Variants in ADGRV1 observed in about 807,000 individuals in gnomAD.
The protein encoded by ADGRV1 is adhesion G protein-coupled receptor V1.
ADGRV1 carries 359 observed loss-of-function variants against 596.2 expected under a neutral mutation model. That is an observed-to-expected ratio of 0.60 (90% CI 0.55 to 0.66). ADGRV1 has a LOEUF of 0.66. ADGRV1 is among the 30% of genes least tolerant of loss of function. ADGRV1 has a pLI of 0.00. For synonymous variants in ADGRV1, 2,681 were observed against 2,679.2 expected (o/e 1.00, Z -0.02); for missense variants, 7,274 against 7,575.6 (o/e 0.96, Z 1.48).
chr5:90,733,561 T>C (rs533266575), intron 50 of ADGRV1, among the ~76,000 whole-genome samples: 1 of 152,350 alleles, frequency 6.6e-6, no homozygotes, highest in Non-Finnish European at 1.5e-5. Context: ...CTGCTTTCTT[T>C]ATCAAGCATT....
At chr5:90,808,895 G>A (rs1045353970) in intron 73 of ADGRV1, among the ~76,000 whole-genome samples, 2 of 151,888 alleles carry the variant, frequency 1.3e-5, no homozygotes, top group South Asian at 2.1e-4. Flanking sequence ...GTGAGACTCC[G>A]TATCAAAAAC....
intron 18 of ADGRV1, 22 bp downstream of exon 18, chr5:90,651,752 A>G: frequency 6.7e-7 from 1 of 1,500,296 alleles, no homozygotes; most frequent in Non-Finnish European, 9.2e-7. Flanking sequence ...TAGATAAGGC[A>G]AGTTTAAAAT....
chr5:90,761,487 A>G (rs1442630246), intron 58 of ADGRV1, among the ~76,000 whole-genome samples: 18 of 152,254 alleles, frequency 1.2e-4, no homozygotes, highest in Admixed American at 1.2e-3. Context: ...ATGAAACTTC[A>G]CAATAACGTT....
chr5:90,787,011 T>C (rs1759522348), intron 67 of ADGRV1, among the ~76,000 whole-genome samples: 1 of 151,960 alleles, frequency 6.6e-6, no homozygotes, highest in Non-Finnish European at 1.5e-5. Flanking sequence ...TGGTGCTGAG[T>C]CCTGAGCTTC....
intron 20 of ADGRV1, chr5:90,654,458 A>G (rs542074619): frequency 6.9e-5 from 12 of 172,684 alleles, no homozygotes; most frequent in Admixed American, 2.8e-4. Flanking sequence ...GGTTCATACT[A>G]TCAGCAGGTA....
chr5:90,710,675 G>A (rs1289438579), intron 39 of ADGRV1, among the ~76,000 whole-genome samples: 1 of 151,890 alleles, frequency 6.6e-6, no homozygotes, highest in Non-Finnish European at 1.5e-5. Context: ...ATAGAATAGA[G>A]ATGCCAAATA....
At chr5:90,716,970 A>G (rs941513611) in intron 43 of ADGRV1, 2 of 301,168 alleles carry the variant, frequency 6.6e-6, no homozygotes, top group Non-Finnish European at 1.2e-5. Flanking sequence ...TAAAGAAAAT[A>G]TATGTATGGC....
At chr5:90,768,251 C>T (rs1757347418) in intron 59 of ADGRV1, among the ~76,000 whole-genome samples, 1 of 152,168 alleles carries the variant, frequency 6.6e-6, no homozygotes, top group African/African-American at 2.4e-5. Flanking sequence ...TCTCCATCTG[C>T]TTGTTTGGTC....
At chr5:90,898,711 A>G (rs1343565659) in intron 83 of ADGRV1, among the ~76,000 whole-genome samples, 2 of 152,156 alleles carry the variant, frequency 1.3e-5, no homozygotes, top group South Asian at 2.1e-4. Flanking sequence ...TGGGAGGCCA[A>G]GGAGGGAGGA....
chr5:90,654,341 G>C, intron 20 of ADGRV1: 1 of 235,030 alleles, frequency 4.3e-6, no homozygotes, highest in East Asian at 1.1e-4. Flanking sequence ...ACAGCGTGTT[G>C]CACCTGGGGA....
chr5:90,888,722 A>G (rs2150572890), intron 83 of ADGRV1, among the ~76,000 whole-genome samples: 1 of 152,134 alleles, frequency 6.6e-6, no homozygotes, highest in Non-Finnish European at 1.5e-5. Context: ...TTCACCTTCT[A>G]TGCTTGGCTT....
chr5:90,759,473 A>G lies in ADGRV1; in HGVS notation c.12005A>G (p.Asn4002Ser), dbSNP rs757610485. 6.2e-6 allele frequency: 10 copies of G among 1,607,220 alleles called. No individual in the cohort carries two copies. The highest frequency in any genetic ancestry group is 1.1e-5 in the South Asian group (1 of 89,704). ...DAEFELTETF[N>S]ISLISVAGGG... The stretch of plus-strand genomic sequence containing the variant: ...GAATTTGAATTGACAGAGACGTTCA[A>G]TATTTCCTTGATCAGTGTTGCTGGA... Residue 4002 changes from asparagine (N) to serine (S), a missense_variant, in exon 58 of 90, where the codon AAT becomes AGT. Transcript: ENST00000405460.
At chr5:90,559,412 A>T (rs1329486359) in intron 1 of ADGRV1, among the ~76,000 whole-genome samples, 1 of 152,168 alleles carries the variant, frequency 6.6e-6, no homozygotes, top group Non-Finnish European at 1.5e-5. Flanking sequence ...ATTTCAGTGA[A>T]ATATATTGAT....
chr5:91,014,294 G>T (rs1782999363), intron 85 of ADGRV1, among the ~76,000 whole-genome samples: 1 of 151,836 alleles, frequency 6.6e-6, no homozygotes, highest in African/African-American at 2.4e-5. Context: ...TTTTATTGAG[G>T]ATTTTTGCAT....
chr5:90,727,979 T>C (rs770695607), intron 48 of ADGRV1, among the ~76,000 whole-genome samples: 4 of 152,224 alleles, frequency 2.6e-5, no homozygotes, highest in Non-Finnish European at 5.9e-5. Flanking sequence ...ACTTATACAT[T>C]GACTTAATTA....
chr5:91,110,797 A>C (rs1792296025), intron 87 of ADGRV1, among the ~76,000 whole-genome samples: 1 of 152,186 alleles, frequency 6.6e-6, no homozygotes, highest in South Asian at 2.1e-4. Context: ...GCAAGTGAGC[A>C]GAGCTTTGCA....
rs1435973584 is a variant in ADGRV1 at position 90,617,933 on chromosome 5, A to G, written c.337A>G (p.Ile113Val). ...CTTACCAGAGCCTGACGAAACTTTT[A>G]TTTTTCACTTAACATTACAGGTAAG... ...DDLPEPDETF[I>V]FHLTLQKPSA... The change falls in exon 3 of 90, where the codon ATT (isoleucine) becomes GTT (valine). Residue 113 changes from isoleucine to valine, a missense_variant. This residue lies in a region of ADGRV1 where 1,715 missense variants were observed against 1,708.8 expected (regional missense o/e 1.00). Transcript: ENST00000405460. 3.8e-6 allele frequency: 6 copies of G among 1,579,284 alleles called. No individual in the cohort carries two copies. Among genetic ancestry groups the G allele is most frequent in the Admixed American group, 1.8e-5 (1 of 54,934 alleles).
At chr5:90,789,903 G>T (rs1759879712) in intron 69 of ADGRV1, 52 bp downstream of exon 69, 2 of 1,249,776 alleles carry the variant, frequency 1.6e-6, no homozygotes, top group Non-Finnish European at 1.0e-6. Context: ...AACAAATGTG[G>T]TTAAGAGGGA....
chr5:90,708,869 A>T lies in ADGRV1; in HGVS notation c.8784A>T (p.Gly2928=), dbSNP rs955913647. ...EYFLVNLTYV[G]LTMAASTSFP... ...TCCTGGTGAATTTAACTTACGTTGG[A>T]CTTACCATGGCTGCTTCAACTTCAT... Residue 2928 remains glycine (G), a synonymous_variant, in exon 39 of 90, where the codon GGA becomes GGT. Coordinates refer to ENST00000405460, the MANE Select transcript of ADGRV1 (RefSeq NM_032119.4). The T allele has an allele frequency of 3.7e-6, 6 of 1,612,372 alleles. No homozygotes were observed. In the Admixed American group the frequency reaches 8.3e-5, roughly 22 times the overall value.
Sources: gnomAD v4.1 joint callset for allele counts (sites outside exome capture counted in the v4.1 genomes callset) on GRCh38, gnomAD v4.1.1 for gene constraint, gnomAD v4.1.1 regional missense constraint, MANE v1.5 for transcripts, NCBI Gene and HGNC (gene_info 2026-07-23, HGNC 2026-07-21) for gene names.